Variants in TF observed in about 807,000 individuals in gnomAD.
TF encodes transferrin.
Under a neutral mutation model 82.4 loss-of-function variants are expected in TF, and 55 were observed. The ratio of observed to expected loss-of-function variants is 0.67; its 90% CI spans 0.54 to 0.84. The LOEUF (loss-of-function observed/expected upper bound fraction) is 0.84. Among genes scored for constraint, TF ranks in the 40% least tolerant of loss-of-function variants. The probability of loss-of-function intolerance (pLI) is 0.00; values close to 1 mark genes in which losing one functional copy is unlikely to be tolerated. For synonymous variants in TF, 332 were observed against 332.6 expected (o/e 1.00, Z 0.02); for missense variants, 737 against 868.4 (o/e 0.85, Z 1.90).
At chr3:133,672,192 T>C in the TF span, among the ~76,000 whole-genome samples, 1 of 152,208 alleles carries the variant, frequency 6.6e-6, no homozygotes, top group African/African-American at 2.4e-5. Context: ...GATATTTCTC[T>C]AGCTATTTAA....
upstream of TF, among the ~76,000 whole-genome samples, chr3:133,743,883 A>C (rs751984954): frequency 8.6e-4 from 131 of 152,196 alleles, no homozygotes; most frequent in Non-Finnish European, 2.6e-4. Context: ...GGCCATGCAC[A>C]CATGTACACC....
At chr3:133,684,272 C>G in the TF span, among the ~76,000 whole-genome samples, 1 of 152,094 alleles carries the variant, frequency 6.6e-6, no homozygotes, top group African/African-American at 2.4e-5. Flanking sequence ...AATTGACACC[C>G]TAACATCACA....
rs1934715031 is a variant in TF, at chr3:133,787,443, C to T, written c.*8823C>T. 6.6e-6 allele frequency: 1 copy of T among 152,120 alleles called. No homozygotes were observed. Among genetic ancestry groups the T allele is most frequent in the Non-Finnish European group, 1.5e-5 (1 of 68,016 alleles). 9.4% of individuals were successfully genotyped at this position (152,120 alleles called of 1,614,324 possible). ...CCGATTATAGCCACTGATACATGTG[C>T]AATTTTATTTTACAGTGCTATGTAC... On this transcript the variant is annotated 3_prime_UTR_variant, in exon 17 of 17. Coordinates refer to ENST00000402696, the MANE Select transcript of TF (RefSeq NM_001063.4).
the TF span, among the ~76,000 whole-genome samples, chr3:133,718,063 G>C: frequency 6.6e-6 from 1 of 152,078 alleles, no homozygotes; most frequent in Non-Finnish European, 1.5e-5. Context: ...CGCTGGATGG[G>C]CAAGGGTCCA....
the TF span, among the ~76,000 whole-genome samples, chr3:133,713,750 G>T: frequency 5.9e-5 from 9 of 152,140 alleles, no homozygotes; most frequent in African/African-American, 9.7e-5. Flanking sequence ...CTTGAGCAAG[G>T]TTTATGTTGC....
chr3:133,696,380 T>A, the TF span, among the ~76,000 whole-genome samples: 1 of 51,834 alleles, frequency 1.9e-5, no homozygotes, highest in Non-Finnish European at 4.4e-5. Flanking sequence ...TTATCATAAG[T>A]ATGTAGTATA....
the TF span, among the ~76,000 whole-genome samples, chr3:133,724,717 T>C: frequency 2.0e-5 from 3 of 152,254 alleles, no homozygotes; most frequent in African/African-American, 7.2e-5. Flanking sequence ...GTTTTAGACA[T>C]GAAGTCCTTG....
At chr3:133,695,245 C>CTTCTTTT in the TF span, among the ~76,000 whole-genome samples, 2 of 100,344 alleles carry the variant, frequency 2.0e-5, no homozygotes, top group Admixed American at 1.1e-4. Flanking sequence ...GGAGCTGGTT[C>CTTCTTTT]TTTTTTTTTT....
In TF at chr3:133,766,442, A is replaced by T. The variant is rs1231783730; in HGVS notation, c.1486+9A>T. ...CAACCACTGCAGATTTGGTGAGTGA[A>T]TATTGGGAAGGAGGGCTGGTGAGGG... On this transcript the variant is annotated intron_variant, in intron 12 of 16. Transcript: ENST00000402696. The T allele has an allele frequency of 9.9e-6, 16 of 1,613,966 alleles. No individual in the cohort carries two copies. The highest frequency in any genetic ancestry group is 1.3e-5 in the African/African-American group (1 of 74,928).
At chr3:133,672,563 T>G in the TF span, among the ~76,000 whole-genome samples, 1 of 151,880 alleles carries the variant, frequency 6.6e-6, no homozygotes, top group Non-Finnish European at 1.5e-5. Flanking sequence ...GTTCAACATT[T>G]AAAAATCAAT....
At chr3:133,740,625 C>T in the TF span, among the ~76,000 whole-genome samples, 28 of 152,108 alleles carry the variant, frequency 1.8e-4, no homozygotes, top group Admixed American at 1.8e-3. Flanking sequence ...GCCACCGTGC[C>T]CAGCCTCTTT....
chr3:133,701,406 C>T, the TF span, among the ~76,000 whole-genome samples: 1 of 152,196 alleles, frequency 6.6e-6, no homozygotes, highest in Non-Finnish European at 1.5e-5. Context: ...CTGGTCTGGC[C>T]ATCTACTGGA....
intron 6 of TF, 46 bp downstream of exon 6, chr3:133,756,383 T>C: frequency 6.3e-7 from 1 of 1,585,954 alleles, no homozygotes; most frequent in South Asian, 1.1e-5. Flanking sequence ...AAGTAGTGGG[T>C]GTTCTTTTTC....
chr3:133,669,752 C>T, the TF span, among the ~76,000 whole-genome samples: 1 of 152,202 alleles, frequency 6.6e-6, no homozygotes, highest in Non-Finnish European at 1.5e-5. Flanking sequence ...AACAAATCAC[C>T]ACGATTGCTG....
chr3:133,712,918 T>C, the TF span: 1 of 152,630 alleles, frequency 6.6e-6, no homozygotes, highest in African/African-American at 2.4e-5. Flanking sequence ...AGCCAGAATC[T>C]AGGAAACAGA....
At chr3:133,736,703 A>G in the TF span, among the ~76,000 whole-genome samples, 2 of 151,524 alleles carry the variant, frequency 1.3e-5, no homozygotes, top group African/African-American at 4.8e-5. Context: ...ACCAACAAAG[A>G]TTAAAAAAAA....
chr3:133,728,273 C>T, the TF span, among the ~76,000 whole-genome samples: 88 of 152,288 alleles, frequency 5.8e-4, no homozygotes, highest in Non-Finnish European at 8.8e-4. Context: ...CCATTCTCCC[C>T]GTCACTTTCA....
chr3:133,739,030 A>C, the TF span, among the ~76,000 whole-genome samples: 2 of 152,208 alleles, frequency 1.3e-5, no homozygotes, highest in South Asian at 2.1e-4. Flanking sequence ...AAAAGAACAA[A>C]GCTGGAGGCA....
the TF span, among the ~76,000 whole-genome samples, chr3:133,727,944 A>T: frequency 6.9e-3 from 1,055 of 152,112 alleles, 15 homozygotes; most frequent in African/African-American, 0.024. Flanking sequence ...GAAATTCTGG[A>T]TTGAAAATTC....
Sources: gnomAD v4.1 joint callset for allele counts (sites outside exome capture counted in the v4.1 genomes callset) on GRCh38, gnomAD v4.1.1 for gene constraint, MANE v1.5 for transcripts, NCBI Gene and HGNC (gene_info 2026-07-23, HGNC 2026-07-21) for gene names.